RBM46: variants seen among roughly 807,000 people sequenced by gnomAD.
RBM46 encodes probable RNA-binding protein 46.
Under a neutral mutation model 43.3 loss-of-function variants are expected in RBM46, and 12 were observed. The ratio of observed to expected loss-of-function variants is 0.28; its 90% CI spans 0.18 to 0.45. The LOEUF (loss-of-function observed/expected upper bound fraction) is 0.45, where lower values mean the gene tolerates loss of function less well. Among genes scored for constraint, RBM46 ranks in the 20% least tolerant of loss-of-function variants. The pLI, the probability that RBM46 is intolerant of heterozygous loss-of-function variation, is 1.00. For synonymous variants in RBM46, 205 were observed against 207.6 expected, an observed-to-expected ratio of 0.99 and a Z score of 0.11; for missense variants, 412 against 639.1, an observed-to-expected ratio of 0.64 and a Z score of 3.83.
chr4:154,817,367 C>G (rs2111198245), intron 4 of RBM46, among the ~76,000 whole-genome samples: 1 of 141,154 alleles, frequency 7.1e-6, no homozygotes, highest in Admixed American at 7.4e-5. Flanking sequence ...GAGTCTCATA[C>G]TGTCGCCCAG....
chr4:154,783,511 C>G (rs910052502), intron 1 of RBM46, among the ~76,000 whole-genome samples: 1 of 152,020 alleles, frequency 6.6e-6, no homozygotes, highest in African/African-American at 2.4e-5. Flanking sequence ...TTTTACTACC[C>G]GATGATTGAT....
chr4:154,805,711 T>A (rs1734875277), intron 4 of RBM46, among the ~76,000 whole-genome samples: 1 of 151,934 alleles, frequency 6.6e-6, no homozygotes, highest in Admixed American at 6.6e-5. Context: ...TAAAAAATAA[T>A]TTCAGATAAA....
chr4:154,784,148 A>C (rs898744671), intron 1 of RBM46, among the ~76,000 whole-genome samples: 115 of 152,332 alleles, frequency 7.5e-4, no homozygotes, highest in African/African-American at 2.6e-3. Context: ...GCACGCTTTG[A>C]TATTCTTAAT....
Position 154,827,876 on chromosome 4 carries a change from T to G in RBM46, c.1411T>G (p.Phe471Val). The change falls in exon 5 of 5, where the codon TTC becomes GTC. Residue 471 changes from phenylalanine (F) to valine (V), a missense_variant. Phe to Val is a conservative substitution (Grantham distance 50). Transcript: ENST00000281722. ...QFTLLHLDYN[F>V]HRSSINSLSP... is the part of the protein sequence containing the mutation. ...CATGTATTTATTTACAGACTACAAT[T>G]TCCATCGCAGCTCAATAAATAGTCT... 6.2e-7 allele frequency: 1 copy of G among 1,613,882 alleles called. No homozygotes were observed. The highest frequency in any genetic ancestry group is 8.5e-7 in the Non-Finnish European group (1 of 1,179,788).
chr4:154,808,429 C>T lies in RBM46; in HGVS notation c.1402+8865C>T, dbSNP rs543040435. ...TTTTGTATATGGATTTTTGTAAGACCGAAGCCCATTTACTTAATTTTTTTC... is the reference window on the plus strand; with the variant it reads ...TTTTGTATATGGATTTTTGTAAGACTGAAGCCCATTTACTTAATTTTTTTC... On this transcript the variant is annotated intron_variant, in intron 4 of 4. Coordinates refer to ENST00000281722, the MANE Select transcript of RBM46 (RefSeq NM_144979.5). Among the ~76,000 whole-genome samples the T allele has an allele frequency of 4.6e-5, 7 of 151,740 alleles. No homozygotes were observed. The South Asian group carries it at 6.2e-4, about 14-fold the overall frequency.
At chr4:154,794,213 C>T (rs890715954) in intron 1 of RBM46, among the ~76,000 whole-genome samples, 1 of 134,570 alleles carries the variant, frequency 7.4e-6, no homozygotes, top group Admixed American at 8.1e-5. Flanking sequence ...TGGATTCTCA[C>T]TCTTTGGCCC....
rs1736058024 is a variant in RBM46 at position 154,828,193 on chromosome 4, G to T, written c.*126G>T. 4 of 674,866 alleles carry T rather than the reference G, an allele frequency of 5.9e-6. No individual in the cohort carries two copies. The highest frequency in any genetic ancestry group is 1.0e-5 in the Non-Finnish European group (4 of 389,998). 41.8% of individuals were successfully genotyped at this position (674,866 alleles called of 1,614,324 possible). A position where few individuals can be genotyped will look rare whatever the true frequency, so the allele number is the denominator to read the frequency against. ...GTTTTAAAAAGGTATTTATTCCAAAGTACTAAACATCAGCTATAATTCAGA... is the reference window on the plus strand; with the variant it reads ...GTTTTAAAAAGGTATTTATTCCAAATTACTAAACATCAGCTATAATTCAGA... On this transcript the variant is annotated 3_prime_UTR_variant, in exon 5 of 5. Transcript: ENST00000281722.
intron 4 of RBM46, among the ~76,000 whole-genome samples, chr4:154,809,117 C>T (rs6824840): frequency 0.16 from 24,822 of 151,822 alleles, 2,623 homozygotes; most frequent in East Asian, 0.44. Context: ...ATGTGTGACT[C>T]TTCTATTTCT....
intron 3 of RBM46, 36 bp downstream of exon 3, chr4:154,798,314 T>C: frequency 4.6e-6 from 6 of 1,306,892 alleles, no homozygotes; most frequent in Non-Finnish European, 6.4e-6. Context: ...ATTAACATTA[T>C]TACAAATATG....
Position 154,808,482 on chromosome 4 carries a change from G to A in RBM46, c.1402+8918G>A, listed in dbSNP as rs1025068529. Among the ~76,000 whole-genome samples the A allele has an allele frequency of 2.6e-5, 4 of 151,752 alleles. 1 individual carries two copies. The highest frequency in any genetic ancestry group is 2.0e-4 in the Admixed American group (3 of 15,246). On this transcript the variant is annotated intron_variant, in intron 4 of 4. Coordinates refer to ENST00000281722, the MANE Select transcript of RBM46 (RefSeq NM_144979.5). ...GTTAACTTTGTTTCAACAATACATA[G>A]TTCCAGTCTGCTTGTTTACTGGCCA...
chr4:154,800,544 G>A (rs1734582529), intron 4 of RBM46, among the ~76,000 whole-genome samples: 1 of 152,172 alleles, frequency 6.6e-6, no homozygotes, highest in Non-Finnish European at 1.5e-5. Context: ...ACGTTGTGAA[G>A]GAAGAGACAT....
At chr4:154,800,233 T>C (rs909618397) in intron 4 of RBM46, among the ~76,000 whole-genome samples, 2 of 152,174 alleles carry the variant, frequency 1.3e-5, no homozygotes, top group African/African-American at 2.4e-5. Context: ...CAATTTATTA[T>C]AGAGTGTCCC....
chr4:154,799,122 T>C lies in RBM46; in HGVS notation c.960T>C (p.Asn320=), dbSNP rs156502. The change falls in exon 4 of 5, where the codon AAT becomes AAC. Residue 320 remains asparagine (N), a synonymous_variant. Coordinates refer to ENST00000281722, the MANE Select transcript of RBM46 (RefSeq NM_144979.5). ...NKENTWRQHL[N]GQISPNSENL... ...AAAACACTTGGAGACAGCATCTTAA[T>C]GGTCAGATTAGTCCAAATTCTGAAA... 752,001 of 1,613,626 alleles carry C rather than the reference T, an allele frequency of 0.47. 187,352 individuals carry two copies. The highest frequency in any genetic ancestry group is 0.85 in the African/African-American group (63,992 of 74,944).
intron 4 of RBM46, among the ~76,000 whole-genome samples, chr4:154,810,998 C>T (rs957765128): frequency 1.1e-4 from 16 of 152,162 alleles, no homozygotes; most frequent in Non-Finnish European, 1.8e-4. Context: ...TCAACAAATA[C>T]TTACCTAAGG....
rs751620360 is a variant in RBM46 at position 154,827,923 on chromosome 4, C to T, written c.1458C>T (p.Leu486=). ...GTCTTTCCCCTGTTAGTGCTACCCT[C>T]TCTTCTGGGACTCCCAGCGTGCTTC... ...INSLSPVSAT[L]SSGTPSVLPY... is the part of the protein sequence containing the mutation. The change falls in exon 5 of 5, where the codon CTC becomes CTT. Residue 486 remains leucine, a synonymous_variant. Transcript: ENST00000281722. The T allele has an allele frequency of 7.2e-5, 117 of 1,613,970 alleles. No individual in the cohort carries two copies. Among genetic ancestry groups the T allele is most frequent in the Non-Finnish European group, 8.9e-5 (105 of 1,179,860 alleles).
chr4:154,809,535 A>G (rs1371562811), intron 4 of RBM46, among the ~76,000 whole-genome samples: 2 of 152,276 alleles, frequency 1.3e-5, no homozygotes, highest in Middle Eastern at 3.4e-3. Flanking sequence ...GAATATAGTT[A>G]GCTTACTTGT....
chr4:154,827,931 G>C lies in RBM46; in HGVS notation c.1466G>C (p.Gly489Ala), dbSNP rs577166593. ...LSPVSATLSSGTPSVLPYTSR... is the reference protein window; with the variant it reads ...LSPVSATLSSATPSVLPYTSR... ...CCTGTTAGTGCTACCCTCTCTTCTG[G>C]GACTCCCAGCGTGCTTCCTTATACT... The change falls in exon 5 of 5, where the codon GGG becomes GCG. Residue 489 changes from glycine (G) to alanine (A), a missense_variant. Gly to Ala is a moderately conservative substitution (Grantham distance 60). This residue lies in a region of RBM46 where 149 missense variants were observed against 156.3 expected (regional missense o/e 0.95). Coordinates refer to ENST00000281722, the MANE Select transcript of RBM46 (RefSeq NM_144979.5). The C allele has an allele frequency of 6.2e-7, 1 of 1,613,752 alleles. No individual in the cohort carries two copies. The highest frequency in any genetic ancestry group is 2.2e-5 in the East Asian group (1 of 44,854).
intron 1 of RBM46, chr4:154,787,036 G>A (rs1231033758): frequency 6.6e-6 from 1 of 152,148 alleles, no homozygotes; most frequent in Non-Finnish European, 1.5e-5. Flanking sequence ...GAGGAATTGA[G>A]GGAAAGCTGA....
intron 1 of RBM46, among the ~76,000 whole-genome samples, chr4:154,794,177 C>CTT (rs58437982): frequency 0.085 from 9,837 of 115,626 alleles, 1,231 homozygotes; most frequent in African/African-American, 0.27. Flanking sequence ...GTAGTAATCA[C>CTT]TTTTTTTTTT....
Sources: gnomAD v4.1 joint callset for allele counts (sites outside exome capture counted in the v4.1 genomes callset) on GRCh38, gnomAD v4.1.1 for gene constraint, gnomAD v4.1.1 regional missense constraint, MANE v1.5 for transcripts, NCBI Gene and HGNC (gene_info 2026-07-23, HGNC 2026-07-21) for gene names.